The following SPARCL1 variants were observed in gnomAD, a reference collection of about 807,000 sequenced individuals.
The protein encoded by SPARCL1 is SPARC like 1.
In SPARCL1, 52 loss-of-function variants were observed where a neutral mutation model predicts 67.1. The observed-to-expected ratio is 0.78, with a 90% CI of 0.62 to 0.98. The LOEUF (loss-of-function observed/expected upper bound fraction) is 0.98, where lower values mean the gene tolerates loss of function less well. Among genes scored for constraint, SPARCL1 ranks in the 50% least tolerant of loss-of-function variants. The probability of loss-of-function intolerance (pLI) is 0.00; values close to 1 mark genes in which losing one functional copy is unlikely to be tolerated. For synonymous variants in SPARCL1, 226 were observed against 267.8 expected (o/e 0.84, Z 1.52); for missense variants, 717 against 782.4 (o/e 0.92, Z 1.00).
At chr4:87,508,814 G>A (rs1190249853) in intron 1 of SPARCL1, among the ~76,000 whole-genome samples, 10 of 147,492 alleles carry the variant, frequency 6.8e-5, no homozygotes, top group African/African-American at 2.3e-4. Flanking sequence ...GTGTGTGTGT[G>A]TATAGATACA....
chr4:87,476,098 C>T (rs1457211837), intron 10 of SPARCL1, among the ~76,000 whole-genome samples: 2 of 152,078 alleles, frequency 1.3e-5, no homozygotes, highest in African/African-American at 4.8e-5. Context: ...TAATACTTTA[C>T]AATTCAACGT....
At chr4:87,506,355 A>G (rs1336243340) in intron 1 of SPARCL1, among the ~76,000 whole-genome samples, 3 of 152,216 alleles carry the variant, frequency 2.0e-5, no homozygotes, top group African/African-American at 7.2e-5. Context: ...ATGCCCAGAT[A>G]TCTACTTAGA....
At chr4:87,494,727 T>A in intron 3 of SPARCL1, 129 bp from the exon 4 acceptor site, 1 of 917,692 alleles carries the variant, frequency 1.1e-6, no homozygotes, top group Non-Finnish European at 1.6e-6. Context: ...ATAATATTCC[T>A]CACACTCTGT....
At chr4:87,509,983 T>G (rs917770308) in intron 1 of SPARCL1, among the ~76,000 whole-genome samples, 22 of 152,268 alleles carry the variant, frequency 1.4e-4, no homozygotes, top group African/African-American at 5.1e-4. Context: ...GAGGGATAGA[T>G]CCAACCTGTA....
intron 2 of SPARCL1, among the ~76,000 whole-genome samples, 173 bp downstream of exon 2, chr4:87,499,348 G>A (rs1724752701): frequency 6.6e-6 from 1 of 151,880 alleles, no homozygotes; most frequent in African/African-American, 2.4e-5. Context: ...TTTTTTTTAA[G>A]TACCTTATCT....
chr4:87,506,626 G>T (rs1725083492), intron 1 of SPARCL1, among the ~76,000 whole-genome samples: 1 of 152,118 alleles, frequency 6.6e-6, no homozygotes, highest in East Asian at 1.9e-4. Context: ...TTCAGACTTG[G>T]ACTAGAACTC....
intron 1 of SPARCL1, among the ~76,000 whole-genome samples, chr4:87,499,860 G>A (rs1202153252): frequency 6.6e-6 from 1 of 151,302 alleles, no homozygotes; most frequent in Non-Finnish European, 1.5e-5. Flanking sequence ...ACTCTGTGCA[G>A]ATCTCAGGTC....
At chr4:87,497,250 TA>T (rs1237500646) in intron 2 of SPARCL1, 1 of 982,826 alleles carries the variant, frequency 1.0e-6, no homozygotes, top group Admixed American at 6.2e-5. Context: ...CTAAGATGGG[TA>T]ATGAATTTGA....
chr4:87,478,196 T>A (rs1198035433), intron 10 of SPARCL1, among the ~76,000 whole-genome samples: 2 of 152,190 alleles, frequency 1.3e-5, no homozygotes, highest in African/African-American at 4.8e-5. Context: ...TTCAGAGATT[T>A]GATGTTCACT....
At chr4:87,491,775 G>A (rs1724339966) in intron 4 of SPARCL1, 85 bp from the exon 5 acceptor site, 3 of 983,708 alleles carry the variant, frequency 3.0e-6, no homozygotes, top group South Asian at 1.3e-5. Flanking sequence ...ATACTTTCAC[G>A]AGTATTTTTC....
intron 1 of SPARCL1, among the ~76,000 whole-genome samples, chr4:87,520,006 G>A (rs182409562): frequency 1.9e-4 from 29 of 152,142 alleles, no homozygotes; most frequent in African/African-American, 6.7e-4. Flanking sequence ...TTGGGAGGCC[G>A]AGGTGGGTGG....
At chr4:87,528,012 T>C (rs535408840) in intron 1 of SPARCL1, 2 of 152,184 alleles carry the variant, frequency 1.3e-5, no homozygotes, top group South Asian at 4.1e-4. Context: ...AACATTTCTA[T>C]TCAATGTGCT....
At position 87,493,667 on chromosome 4, in the gene SPARCL1, G is replaced by T. The variant is rs377114446; in HGVS notation, c.1133C>A (p.Ala378Asp). 5.0e-6 allele frequency: 8 copies of T among 1,614,020 alleles called. No homozygotes were observed. The highest frequency in any genetic ancestry group is 6.8e-6 in the Non-Finnish European group (8 of 1,180,006). Reference sequence around the variant, plus strand: ...TTGCTCCTCAATTTTGAGGTGATAGGCAATGGATTGAGCTCTCTCGGCCTC... The same window carrying T: ...TTGCTCCTCAATTTTGAGGTGATAGTCAATGGATTGAGCTCTCTCGGCCTC... ...FLEAERAQSI[A>D]YHLKIEEQRE... The change falls in exon 4 of 11, where the codon GCC becomes GAC. Residue 378 changes from alanine (A) to aspartate (D), a missense_variant. Physicochemically the swap from Ala to Asp is moderately radical, Grantham distance 126 (BLOSUM62 -2). Transcript: ENST00000282470.
chr4:87,480,816 G>C (rs1000994422), intron 8 of SPARCL1, among the ~76,000 whole-genome samples: 4 of 132,452 alleles, frequency 3.0e-5, no homozygotes, highest in Admixed American at 7.2e-5. Flanking sequence ...AGTAATGTTC[G>C]CTGCTTTTTT....
chr4:87,528,569 A>G (rs1261904980), intron 1 of SPARCL1: 2 of 152,200 alleles, frequency 1.3e-5, no homozygotes, highest in African/African-American at 4.8e-5. Flanking sequence ...TGGAAAAGCA[A>G]AAAGTTCCGT....
intron 1 of SPARCL1, among the ~76,000 whole-genome samples, chr4:87,502,111 T>C (rs546269074): frequency 1.3e-5 from 2 of 152,216 alleles, no homozygotes; most frequent in Admixed American, 6.5e-5. Flanking sequence ...GCCTGTTTTA[T>C]TGATTAAAAA....
chr4:87,496,178 G>A (rs1724611292), intron 2 of SPARCL1, among the ~76,000 whole-genome samples: 1 of 152,014 alleles, frequency 6.6e-6, no homozygotes, highest in South Asian at 2.1e-4. Flanking sequence ...GGTTTGACAG[G>A]TCGTTAATAT....
intron 1 of SPARCL1, chr4:87,505,068 A>T (rs1322815242): frequency 6.6e-6 from 1 of 152,214 alleles, no homozygotes; most frequent in East Asian, 1.9e-4. Flanking sequence ...TTAAACTGTC[A>T]GGAGAGCTGG....
At chr4:87,518,122 C>A (rs1256813566) in intron 1 of SPARCL1, among the ~76,000 whole-genome samples, 1 of 152,080 alleles carries the variant, frequency 6.6e-6, no homozygotes, top group African/African-American at 2.4e-5. Flanking sequence ...TGTAATAAAC[C>A]CTAATGGATT....
Sources: gnomAD v4.1 joint callset for allele counts (sites outside exome capture counted in the v4.1 genomes callset) on GRCh38, gnomAD v4.1.1 for gene constraint, MANE v1.5 for transcripts, NCBI Gene and HGNC (gene_info 2026-07-23, HGNC 2026-07-21) for gene names.